STAG1: variants seen among roughly 807,000 people sequenced by gnomAD.
The protein encoded by STAG1 is cohesin subunit SA-1.
Under a neutral mutation model 170.9 loss-of-function variants are expected in STAG1, and 26 were observed. That is an observed-to-expected ratio of 0.15 (90% CI 0.11 to 0.21). The LOEUF is 0.21. Among genes scored for constraint, STAG1 ranks in the 10% least tolerant of loss-of-function variants. The pLI is 1.00. For missense variants in STAG1, 964 were observed against 1,509.5 expected, an observed-to-expected ratio of 0.64 and a Z score of 5.99; for synonymous variants, 514 against 497.7, an observed-to-expected ratio of 1.03 and a Z score of -0.44.
chr3:136,660,403 A>G (rs1941539935), intron 1 of STAG1, among the ~76,000 whole-genome samples: 3 of 152,230 alleles, frequency 2.0e-5, no homozygotes, highest in Admixed American at 2.0e-4. Flanking sequence ...ATGAATTTCT[A>G]AAACTATATT....
At chr3:136,684,694 TGAACCCG>T (rs1274700725) in intron 1 of STAG1, among the ~76,000 whole-genome samples, 2 of 150,436 alleles carry the variant, frequency 1.3e-5, no homozygotes, top group African/African-American at 4.9e-5. Context: ...GAGAATCGCT[TGAACCCG>T]GAAGGTGGAG....
intron 1 of STAG1, among the ~76,000 whole-genome samples, chr3:136,677,027 T>G (rs549066256): frequency 6.6e-6 from 1 of 152,162 alleles, no homozygotes; most frequent in East Asian, 1.9e-4. Flanking sequence ...TCATCTCTTA[T>G]GATAACAATA....
chr3:136,430,888 C>A (rs1174334883), intron 16 of STAG1, among the ~76,000 whole-genome samples: 7 of 147,028 alleles, frequency 4.8e-5, no homozygotes, highest in African/African-American at 1.7e-4. Flanking sequence ...ACATACTTAC[C>A]ATTTCAGATT....
chr3:136,655,948 G>A (rs897851106), intron 1 of STAG1, among the ~76,000 whole-genome samples: 1 of 152,050 alleles, frequency 6.6e-6, no homozygotes, highest in Admixed American at 6.6e-5. Flanking sequence ...AACTGAAAAT[G>A]AGGTCTTGAA....
intron 25 of STAG1, among the ~76,000 whole-genome samples, chr3:136,364,055 T>A (rs1347808837): frequency 6.6e-6 from 1 of 151,740 alleles, no homozygotes; most frequent in Non-Finnish European, 1.5e-5. Flanking sequence ...CCACTGCACC[T>A]GGCCTTCTCC....
intron 5 of STAG1, among the ~76,000 whole-genome samples, chr3:136,548,486 C>T (rs2107734730): frequency 6.6e-6 from 1 of 152,166 alleles, no homozygotes; most frequent in South Asian, 2.1e-4. Context: ...TTTGTTCTTC[C>T]TTCCTCAGAC....
intron 13 of STAG1, among the ~76,000 whole-genome samples, chr3:136,463,748 T>TGTGTGC (rs2089346235): frequency 1.2e-5 from 1 of 82,180 alleles, no homozygotes; most frequent in Non-Finnish European, 2.4e-5. Flanking sequence ...TGTGTGTGTG[T>TGTGTGC]GTGTGTGTGT....
chr3:136,389,370 T>G (rs1054960415), intron 22 of STAG1, among the ~76,000 whole-genome samples: 20 of 152,040 alleles, frequency 1.3e-4, no homozygotes, highest in Non-Finnish European at 2.8e-4. Flanking sequence ...AGTGCAGTGG[T>G]GTGATCTCCG....
chr3:136,518,886 C>G (rs1036821298), intron 7 of STAG1, among the ~76,000 whole-genome samples: 13 of 151,650 alleles, frequency 8.6e-5, no homozygotes, highest in Admixed American at 1.3e-4. Flanking sequence ...GCAGGTAGAC[C>G]GTGGAAAAGA....
At position 136,337,846 on chromosome 3, in the gene STAG1, GTTT is replaced by G. The variant is rs1452106648; in HGVS notation, c.*405_*407del. Reference sequence around the variant, plus strand: ...CATAAAAAGGCAAAATGTTAAAACGGTTTTTAAATTGTACAACAGGAAAATAAA... The same window carrying G: ...CATAAAAAGGCAAAATGTTAAAACGGTTAAATTGTACAACAGGAAAATAAA... On this transcript the variant is annotated 3_prime_UTR_variant, in exon 34 of 34. Transcript: ENST00000383202. 1 of 157,476 alleles carries G rather than the reference GTTT, an allele frequency of 6.4e-6. No homozygotes were observed. Among genetic ancestry groups the G allele is most frequent in the Non-Finnish European group, 1.4e-5 (1 of 71,488 alleles). 9.8% of individuals were successfully genotyped at this position (157,476 alleles called of 1,614,324 possible).
chr3:136,676,201 G>A (rs1358213552), intron 1 of STAG1, among the ~76,000 whole-genome samples: 1 of 152,178 alleles, frequency 6.6e-6, no homozygotes, highest in South Asian at 2.1e-4. Context: ...AGTTGCTCTA[G>A]GTGAGTGAGT....
intron 10 of STAG1, among the ~76,000 whole-genome samples, chr3:136,475,943 G>T (rs536577876): frequency 5.9e-5 from 9 of 152,248 alleles, no homozygotes; most frequent in African/African-American, 1.9e-4. Flanking sequence ...GCACTAAATT[G>T]TAAGTGTGAC....
intron 1 of STAG1, among the ~76,000 whole-genome samples, chr3:136,648,885 C>A (rs1045367144): frequency 1.3e-5 from 2 of 152,172 alleles, no homozygotes; most frequent in African/African-American, 4.8e-5. Context: ...TAGAGCCAGA[C>A]TGATTTATTT....
At chr3:136,430,327 A>T (rs2088259681) in intron 16 of STAG1, 1 of 152,194 alleles carries the variant, frequency 6.6e-6, no homozygotes, top group African/African-American at 2.4e-5. Flanking sequence ...TTATTTTTAA[A>T]TATGAATGAT....
At chr3:136,419,214 A>C (rs1034339783) in intron 20 of STAG1, among the ~76,000 whole-genome samples, 7 of 146,956 alleles carry the variant, frequency 4.8e-5, no homozygotes, top group African/African-American at 1.7e-4. Flanking sequence ...CAGTTTTTTA[A>C]AAAAATAAAA....
chr3:136,565,011 A>AAGGAAGGAAGGAAGGCAGGC (rs1207671431), intron 5 of STAG1, among the ~76,000 whole-genome samples: 60 of 45,394 alleles, frequency 1.3e-3, no homozygotes, highest in Non-Finnish European at 1.8e-3. Context: ...GGAAGGAAGG[A>AAGGAAGGAAGGAAGGCAGGC]AGGCAGGCAG....
At chr3:136,356,899 T>C (rs1252996780) in intron 28 of STAG1, among the ~76,000 whole-genome samples, 1 of 151,462 alleles carries the variant, frequency 6.6e-6, no homozygotes, top group Non-Finnish European at 1.5e-5. Context: ...ACTACAGGCA[T>C]GCACCACCAT....
At chr3:136,668,271 T>TG (rs1941861942) in intron 1 of STAG1, among the ~76,000 whole-genome samples, 1 of 147,076 alleles carries the variant, frequency 6.8e-6, no homozygotes, top group Non-Finnish European at 1.5e-5. Context: ...ATATTATACA[T>TG]AATATATATT....
At chr3:136,583,941 C>T (rs2107782703) in intron 4 of STAG1, among the ~76,000 whole-genome samples, 1 of 152,356 alleles carries the variant, frequency 6.6e-6, no homozygotes, top group Admixed American at 6.5e-5. Context: ...TTTGTCTCCT[C>T]ATAGTATTTT....
Sources: gnomAD v4.1 joint callset for allele counts (sites outside exome capture counted in the v4.1 genomes callset) on GRCh38, gnomAD v4.1.1 for gene constraint, MANE v1.5 for transcripts, NCBI Gene and HGNC (gene_info 2026-07-23, HGNC 2026-07-21) for gene names.